MMD2: variants seen among roughly 807,000 people sequenced by gnomAD.
MMD2 encodes the protein monocyte to macrophage differentiation factor 2.
MMD2 carries 30 observed loss-of-function variants against 33.5 expected under a neutral mutation model. That is an observed-to-expected ratio of 0.90 (90% confidence interval 0.67 to 1.22). MMD2 has a LOEUF of 1.22. MMD2 is among the 50% of genes most tolerant of loss of function. MMD2 has a pLI of 0.00. For synonymous variants in MMD2, 129 were observed against 123.0 expected (o/e 1.05, Z -0.32); for missense variants, 364 against 325.4 (o/e 1.12, Z -0.91).
intron 1 of MMD2, among the ~76,000 whole-genome samples, chr7:4,948,908 C>T (rs1031638529): frequency 2.0e-5 from 3 of 152,154 alleles, no homozygotes; most frequent in African/African-American, 7.2e-5. Flanking sequence ...ATCTCCCAAG[C>T]TCAGGTGATC....
Position 4,958,308 on chromosome 7 carries a change from C to T in MMD2, c.47+663G>A, listed in dbSNP as rs542451326. On this transcript the variant is annotated intron_variant, in intron 1 of 6. Transcript: ENST00000401401. ...AGGAGAAACCCCCTCCCCACGCCCACCTTCTTCACTGGAATTCCAAGCAAC... is the reference window on the plus strand; with the variant it reads ...AGGAGAAACCCCCTCCCCACGCCCATCTTCTTCACTGGAATTCCAAGCAAC... Among the ~76,000 whole-genome samples the T allele has an allele frequency of 3.9e-5, 6 of 152,328 alleles. No individual in the cohort carries two copies. In the South Asian group the frequency reaches 1.2e-3, roughly 32 times the overall value.
At chr7:4,955,656 A>T (rs896038828) in intron 1 of MMD2, among the ~76,000 whole-genome samples, 2 of 152,220 alleles carry the variant, frequency 1.3e-5, no homozygotes, top group African/African-American at 4.8e-5. Flanking sequence ...TAAAGAGTTA[A>T]CTAAAATATA....
chr7:4,959,004 C>G lies in MMD2; in HGVS notation c.14G>C (p.Arg5Pro). 1 of 1,273,884 alleles carries G rather than the reference C, an allele frequency of 7.9e-7. No homozygotes were observed. Among genetic ancestry groups the G allele is most frequent in the Non-Finnish European group, 1.0e-6 (1 of 1,002,146 alleles). 78.9% of individuals were successfully genotyped at this position (1,273,884 alleles called of 1,614,324 possible). A position where few individuals can be genotyped will look rare whatever the true frequency, so the allele number is the denominator to read the frequency against. ...TTTCGTCTTCTGGAAATCCAGCAGC[C>G]GGGGGGCGAACATCGCGGCGCTTCC... MFAP[R>P]LLDFQKTKYA... is the part of the protein sequence containing the mutation. The change falls in exon 1 of 7, where the codon CGG becomes CCG. Residue 5 changes from arginine to proline, a missense_variant. Arg to Pro is a moderately radical substitution (Grantham distance 103). Coordinates refer to ENST00000401401, the MANE Select transcript of MMD2 (RefSeq NM_198403.4).
the MMD2 span, among the ~76,000 whole-genome samples, chr7:4,900,182 T>A: frequency 1.3e-5 from 2 of 151,974 alleles, no homozygotes; most frequent in African/African-American, 4.8e-5. Flanking sequence ...GTGCCTGTAA[T>A]CCCAGCTACT....
At chr7:4,957,090 C>T (rs1481782786) in intron 1 of MMD2, among the ~76,000 whole-genome samples, 4 of 150,792 alleles carry the variant, frequency 2.7e-5, no homozygotes, top group Admixed American at 1.3e-4. Flanking sequence ...CACTTGAACC[C>T]GGGAGGTGGA....
chr7:4,942,083 A>C (rs1319867229), intron 1 of MMD2, among the ~76,000 whole-genome samples: 1 of 150,972 alleles, frequency 6.6e-6, no homozygotes, highest in Non-Finnish European at 1.5e-5. Flanking sequence ...CCTCCCGAGT[A>C]CCTGGGACTA....
intron 1 of MMD2, among the ~76,000 whole-genome samples, chr7:4,944,564 G>C (rs1178805278): frequency 1.3e-5 from 2 of 152,094 alleles, no homozygotes; most frequent in African/African-American, 4.8e-5. Context: ...GATCGAGGAG[G>C]ACTTGGAATG....
chr7:4,938,089 G>A (rs1469526869), intron 1 of MMD2, among the ~76,000 whole-genome samples: 1 of 118,610 alleles, frequency 8.4e-6, no homozygotes, highest in Non-Finnish European at 1.6e-5. Flanking sequence ...TCAGCTCACT[G>A]CAACCTCCAC....
chr7:4,941,815 T>C (rs1473067086), intron 1 of MMD2, among the ~76,000 whole-genome samples: 1 of 151,728 alleles, frequency 6.6e-6, no homozygotes, highest in African/African-American at 2.4e-5. Flanking sequence ...AATAAATATC[T>C]TCTTAATAGC....
At position 4,907,170 on chromosome 7, in the gene MMD2, A is replaced by C. The variant is rs374666226; in HGVS notation, c.*226T>G. The C allele has an allele frequency of 3.5e-5, 19 of 546,026 alleles. No homozygotes were observed. The East Asian group carries it at 4.4e-4, about 13-fold the overall frequency. The allele number at this position is 546,026 out of a possible 1,614,324, so 33.8% of individuals were successfully genotyped here. ...GTATTAGGAAACACTCATCTAAAATAGAAACACATTACAGGGTTAATTTCT... is the reference window on the plus strand; with the variant it reads ...GTATTAGGAAACACTCATCTAAAATCGAAACACATTACAGGGTTAATTTCT... On this transcript the variant is annotated 3_prime_UTR_variant, in exon 7 of 7. Coordinates refer to ENST00000401401, the MANE Select transcript of MMD2 (RefSeq NM_198403.4).
rs1234676457 is a variant in MMD2 at position 4,932,438 on chromosome 7, C to CT, written c.48-6907dup. Among the ~76,000 whole-genome samples the CT allele has an allele frequency of 2.0e-5, 3 of 152,108 alleles. No homozygotes were observed. In the South Asian group the frequency reaches 6.2e-4, roughly 31 times the overall value. On this transcript the variant is annotated intron_variant, in intron 1 of 6. Coordinates refer to ENST00000401401, the MANE Select transcript of MMD2 (RefSeq NM_198403.4). Reference sequence around the variant, plus strand: ...TAATTTACATAAAGCAAAATTTCCTCTTTTTTTGCTATAGTTTTGTGAGTT... The same window carrying CT: ...TAATTTACATAAAGCAAAATTTCCTCTTTTTTTTGCTATAGTTTTGTGAGTT...
chr7:4,912,356 A>G (rs536860739), intron 4 of MMD2, among the ~76,000 whole-genome samples: 53 of 152,008 alleles, frequency 3.5e-4, no homozygotes, highest in Middle Eastern at 3.4e-3. Flanking sequence ...CAGGAGATTG[A>G]GACCATCCTG....
At chr7:4,920,130 G>T in intron 3 of MMD2, 41 bp downstream of exon 3, 2 of 1,543,508 alleles carry the variant, frequency 1.3e-6, no homozygotes, top group South Asian at 1.2e-5. Flanking sequence ...CCCCTGCCCC[G>T]ACCCCCTACC....
rs185124073 is a variant in MMD2, at chr7:4,929,559, C to G, written c.48-4027G>C. On this transcript the variant is annotated intron_variant, in intron 1 of 6. Transcript: ENST00000401401. ...TTTTTTTTTGAGACGGAGTCTTGCT[C>G]TGTCGCCCAGGCTGGAGTGCAATGG... Among the ~76,000 whole-genome samples the G allele has an allele frequency of 1.1e-3, 168 of 151,702 alleles. 2 individuals carry two copies. Among genetic ancestry groups the G allele is most frequent in the African/African-American group, 3.5e-3 (146 of 41,368 alleles).
intron 1 of MMD2, among the ~76,000 whole-genome samples, chr7:4,944,288 T>C (rs1432945842): frequency 6.6e-6 from 1 of 151,954 alleles, no homozygotes; most frequent in Non-Finnish European, 1.5e-5. Flanking sequence ...GAATCTATTC[T>C]GAAGGAAATT....
Position 4,906,064 on chromosome 7 carries a change from C to A in MMD2, c.*1332G>T. On this transcript the variant is annotated 3_prime_UTR_variant, in exon 7 of 7. Coordinates refer to ENST00000401401, the MANE Select transcript of MMD2 (RefSeq NM_198403.4). ...CCAGGTGCAGGAACCCTGGAACCCC[C>A]TGGAATGTGCTAGAGATAAGCATAA... The A allele has an allele frequency of 6.3e-6, 1 of 158,078 alleles. No homozygotes were observed. 9.8% of individuals were successfully genotyped at this position (158,078 alleles called of 1,614,324 possible).
the MMD2 span, among the ~76,000 whole-genome samples, chr7:4,892,917 T>C: frequency 1.3e-5 from 2 of 152,132 alleles, no homozygotes; most frequent in Non-Finnish European, 2.9e-5. Flanking sequence ...GGGTTCACCA[T>C]GTTGACCAGG....
chr7:4,942,482 G>A (rs907056092), intron 1 of MMD2, among the ~76,000 whole-genome samples: 1 of 150,554 alleles, frequency 6.6e-6, no homozygotes, highest in Admixed American at 6.6e-5. Context: ...TGCCCAGGCT[G>A]GTCTTGAACT....
intron 1 of MMD2, among the ~76,000 whole-genome samples, chr7:4,948,818 G>A (rs1002839024): frequency 6.6e-6 from 1 of 151,982 alleles, no homozygotes. Flanking sequence ...TTCTTTTTAG[G>A]TTCTATAAAT....
Sources: allele counts gnomAD v4.1 joint callset (sites outside exome capture counted in the v4.1 genomes callset), GRCh38; gene constraint gnomAD v4.1.1; transcripts MANE v1.5; gene names NCBI Gene and HGNC (gene_info 2026-07-23, HGNC 2026-07-21).